MED30: variants seen among roughly 807,000 people sequenced by gnomAD.
The protein encoded by MED30 is mediator of RNA polymerase II transcription subunit 30.
A neutral mutation model predicts 21.7 loss-of-function variants in MED30; 8 were observed. That is an observed-to-expected ratio of 0.37 (90% CI 0.22 to 0.67). The LOEUF is 0.67. MED30 is among the 30% of genes least tolerant of loss of function. The pLI is 0.58. For synonymous variants in MED30, 79 were observed against 86.7 expected, an observed-to-expected ratio of 0.91 and a Z score of 0.49; for missense variants, 203 against 228.2, an observed-to-expected ratio of 0.89 and a Z score of 0.71.
At chr8:117,539,603 T>C (rs72672139) in intron 3 of MED30, among the ~76,000 whole-genome samples, 8,194 of 152,334 alleles carry the variant, frequency 0.054, 333 homozygotes, top group South Asian at 0.12. Flanking sequence ...AATAAATGTT[T>C]AGCTGATTTA....
chr8:117,525,931 G>A lies in MED30; in HGVS notation c.178-2720G>A, dbSNP rs143816471. On this transcript the variant is annotated intron_variant, in intron 1 of 3. Transcript: ENST00000297347. ...ATCAGCTTATTCTAAGAAAAAGCCTGTTAGCATTTTTATTAGGTCCGTTCG... is the reference window on the plus strand; with the variant it reads ...ATCAGCTTATTCTAAGAAAAAGCCTATTAGCATTTTTATTAGGTCCGTTCG... Among the ~76,000 whole-genome samples, 306 of 152,126 alleles carry A rather than the reference G, an allele frequency of 2.0e-3. 1 individual carries two copies. Among genetic ancestry groups the A allele is most frequent in the African/African-American group, 6.9e-3 (287 of 41,550 alleles).
intron 3 of MED30, among the ~76,000 whole-genome samples, chr8:117,536,180 AC>A (rs1039063600): frequency 1.3e-5 from 2 of 152,200 alleles, no homozygotes; most frequent in Non-Finnish European, 2.9e-5. Context: ...ACATGAGTGG[AC>A]AAGTTTCTTC....
At chr8:117,538,285 T>C (rs1818915890) in intron 3 of MED30, among the ~76,000 whole-genome samples, 1 of 152,222 alleles carries the variant, frequency 6.6e-6, no homozygotes, top group Admixed American at 6.5e-5. Context: ...CTGTGTACTG[T>C]ATAGTCCTGT....
chr8:117,523,424 G>T, intron 1 of MED30: 2 of 1,564,128 alleles, frequency 1.3e-6, no homozygotes, highest in Non-Finnish European at 1.8e-6. Context: ...CTTGCAGGTC[G>T]CTCACCCTCC....
In MED30 at chr8:117,520,760, G is replaced by C. The variant is rs1254531723; in HGVS notation, c.-117G>C. Reference sequence around the variant, plus strand: ...AGTCGCGGCCGCTGTTTTGAAATCGGGCCGCGGGGGGTCTCTCAAGCTGGT... The same window carrying C: ...AGTCGCGGCCGCTGTTTTGAAATCGCGCCGCGGGGGGTCTCTCAAGCTGGT... On this transcript the variant is annotated 5_prime_UTR_variant, in exon 1 of 4. Transcript: ENST00000297347. The C allele has an allele frequency of 1.6e-5, 17 of 1,079,258 alleles. No individual in the cohort carries two copies. In the South Asian group the frequency reaches 1.8e-4, roughly 12 times the overall value. The allele number at this position is 1,079,258 out of a possible 1,614,324, so 66.9% of individuals were successfully genotyped here.
Position 117,540,025 on chromosome 8 carries a change from T to C in MED30, c.*47T>C. 1 of 1,107,514 alleles carries C rather than the reference T, an allele frequency of 9.0e-7. No individual in the cohort carries two copies. The highest frequency in any genetic ancestry group is 1.6e-5 in the African/African-American group (1 of 61,594). The allele number at this position is 1,107,514 out of a possible 1,614,324, so 68.6% of individuals were successfully genotyped here. ...TTTACACATGTTATACCATTGTTTT[T>C]TCCCTCAAGTATTTTTTCCCTGTGA... On this transcript the variant is annotated 3_prime_UTR_variant, in exon 4 of 4. Coordinates refer to ENST00000297347, the MANE Select transcript of MED30 (RefSeq NM_080651.4).
intron 3 of MED30, among the ~76,000 whole-genome samples, chr8:117,535,804 A>G (rs1354024863): frequency 6.6e-6 from 1 of 152,114 alleles, no homozygotes; most frequent in Non-Finnish European, 1.5e-5. Flanking sequence ...AGAGTTTTAA[A>G]GTTCACGGAA....
In MED30 at chr8:117,525,363, T is replaced by C. The variant is rs566155332; in HGVS notation, c.178-3288T>C. ...TCTGTCTTTTTTTTTTTTTCATCTT[T>C]TTTACCTACCTTAATTGTAGGATTT... On this transcript the variant is annotated intron_variant, in intron 1 of 3. Transcript: ENST00000297347. Among the ~76,000 whole-genome samples the C allele has an allele frequency of 3.3e-5, 5 of 152,098 alleles. No homozygotes were observed. The East Asian group carries it at 9.6e-4, about 29-fold the overall frequency.
chr8:117,532,808 A>T (rs1429445556), intron 3 of MED30, among the ~76,000 whole-genome samples: 1 of 152,066 alleles, frequency 6.6e-6, no homozygotes, highest in Non-Finnish European at 1.5e-5. Flanking sequence ...AACTCACAGT[A>T]AAAAATTGGT....
chr8:117,522,777 T>TA (rs1442738332), intron 1 of MED30, among the ~76,000 whole-genome samples: 2 of 151,958 alleles, frequency 1.3e-5, no homozygotes, highest in Non-Finnish European at 2.9e-5. Flanking sequence ...GGCAATAATT[T>TA]AAAAAAATGA....
intron 3 of MED30, among the ~76,000 whole-genome samples, chr8:117,536,346 G>A (rs1036346738): frequency 3.3e-5 from 5 of 152,210 alleles, no homozygotes; most frequent in African/African-American, 1.2e-4. Context: ...ATAGATCTGT[G>A]TAATTTATAA....
intron 3 of MED30, among the ~76,000 whole-genome samples, chr8:117,537,575 G>A (rs973853084): frequency 6.6e-6 from 1 of 152,010 alleles, no homozygotes; most frequent in Non-Finnish European, 1.5e-5. Flanking sequence ...ATTCCCCAGT[G>A]TTGAATATTA....
chr8:117,520,791 C>G lies in MED30; in HGVS notation c.-86C>G. ...GGGGGGTCTCTCAAGCTGGTTCCAA[C>G]GCTGAGGCCCCACAGCCTCCCAATT... On this transcript the variant is annotated 5_prime_UTR_variant, in exon 1 of 4. Transcript: ENST00000297347. The G allele has an allele frequency of 1.5e-6, 2 of 1,357,366 alleles. No homozygotes were observed. Among genetic ancestry groups the G allele is most frequent in the Non-Finnish European group, 2.0e-6 (2 of 1,022,724 alleles). The allele number at this position is 1,357,366 out of a possible 1,614,324, so 84.1% of individuals were successfully genotyped here. A position where few individuals can be genotyped will look rare whatever the true frequency, so the allele number is the denominator to read the frequency against.
intron 1 of MED30, among the ~76,000 whole-genome samples, chr8:117,527,607 C>T (rs1019914652): frequency 4.0e-5 from 6 of 149,288 alleles, no homozygotes; most frequent in African/African-American, 1.2e-4. Context: ...TCACTCCAAA[C>T]ATTGTATCAT....
chr8:117,532,442 AG>A (rs1209577186), intron 3 of MED30, among the ~76,000 whole-genome samples: 1 of 152,070 alleles, frequency 6.6e-6, no homozygotes, highest in Non-Finnish European at 1.5e-5. Flanking sequence ...GCACAAGAAT[AG>A]GCAGATTAGT....
At chr8:117,523,295 A>C in intron 1 of MED30, 6 of 1,309,382 alleles carry the variant, frequency 4.6e-6, no homozygotes, top group Non-Finnish European at 6.5e-6. Context: ...CCACGACCAA[A>C]TCCGCCTCTA....
intron 3 of MED30, among the ~76,000 whole-genome samples, chr8:117,534,708 A>G (rs930774266): frequency 6.6e-6 from 1 of 152,168 alleles, no homozygotes; most frequent in African/African-American, 2.4e-5. Flanking sequence ...GAATTCTTCT[A>G]CCTATATTTT....
intron 3 of MED30, among the ~76,000 whole-genome samples, chr8:117,533,668 C>T (rs1818822604): frequency 1.3e-5 from 2 of 152,062 alleles, no homozygotes; most frequent in Admixed American, 1.3e-4. Flanking sequence ...GCATCTATGA[C>T]AACATCTCAG....
chr8:117,534,912 T>A (rs1050344390), intron 3 of MED30, among the ~76,000 whole-genome samples: 2 of 147,806 alleles, frequency 1.4e-5, no homozygotes, highest in African/African-American at 5.0e-5. Context: ...AATATATAAA[T>A]GTGAATTAAA....
Sources: allele counts gnomAD v4.1 joint callset (sites outside exome capture counted in the v4.1 genomes callset), GRCh38; gene constraint gnomAD v4.1.1; transcripts MANE v1.5; gene names NCBI Gene and HGNC (gene_info 2026-07-23, HGNC 2026-07-21).